FGF12: variants seen among roughly 807,000 people sequenced by gnomAD.
FGF12 encodes fibroblast growth factor 12B.
FGF12 carries 14 observed loss-of-function variants against 23.6 expected under a neutral mutation model. That is an observed-to-expected ratio of 0.59 (90% CI 0.39 to 0.93). The LOEUF (loss-of-function observed/expected upper bound fraction) is 0.93, where lower values mean the gene tolerates loss of function less well. FGF12 is among the 40% of genes least tolerant of loss of function. The pLI, the probability that FGF12 is intolerant of heterozygous loss-of-function variation, is 0.00. For synonymous variants in FGF12, 62 were observed against 77.3 expected, an observed-to-expected ratio of 0.80 and a Z score of 1.04; for missense variants, 175 against 217.8, an observed-to-expected ratio of 0.80 and a Z score of 1.24.
At chr3:192,277,319 A>G (rs1334831162) in intron 4 of FGF12, among the ~76,000 whole-genome samples, 2 of 151,494 alleles carry the variant, frequency 1.3e-5, no homozygotes, top group Admixed American at 6.5e-5. Flanking sequence ...TGGTAAGAGG[A>G]GCCAAATTTG....
At chr3:192,353,763 T>C (rs189360888) in intron 3 of FGF12, among the ~76,000 whole-genome samples, 26 of 152,314 alleles carry the variant, frequency 1.7e-4, no homozygotes, top group African/African-American at 5.8e-4. Flanking sequence ...CCCCTTATGA[T>C]TTTATGTAAG....
chr3:192,383,093 A>C (rs1247468172), intron 2 of FGF12, among the ~76,000 whole-genome samples: 1 of 152,216 alleles, frequency 6.6e-6, no homozygotes, highest in Non-Finnish European at 1.5e-5. Context: ...GGAAGTATGT[A>C]ATCATGGCAC....
At chr3:192,522,731 A>G (rs1724851883) in intron 2 of FGF12, among the ~76,000 whole-genome samples, 1 of 152,242 alleles carries the variant, frequency 6.6e-6, no homozygotes, top group South Asian at 2.1e-4. Context: ...ACATTTTGGT[A>G]TATTCCCACA....
intron 5 of FGF12, among the ~76,000 whole-genome samples, chr3:192,144,425 A>G (rs1462194165): frequency 6.6e-6 from 1 of 152,194 alleles, no homozygotes; most frequent in Non-Finnish European, 1.5e-5. Context: ...ATTTTCATCC[A>G]GAGTCAGAGG....
At chr3:192,437,176 C>T (rs550134074) in intron 2 of FGF12, among the ~76,000 whole-genome samples, 30 of 152,176 alleles carry the variant, frequency 2.0e-4, no homozygotes, top group African/African-American at 6.7e-4. Flanking sequence ...AAATAAAAGG[C>T]TAGCGACTAG....
At chr3:192,287,348 G>A (rs900763853) in intron 4 of FGF12, among the ~76,000 whole-genome samples, 4 of 152,018 alleles carry the variant, frequency 2.6e-5, no homozygotes, top group Admixed American at 6.6e-5. Context: ...GGGAGGAACC[G>A]TGTCTTGTAC....
At chr3:192,704,173 T>G (rs74788835) in intron 2 of FGF12, among the ~76,000 whole-genome samples, 5,592 of 152,306 alleles carry the variant, frequency 0.037, 369 homozygotes, top group African/African-American at 0.13. Flanking sequence ...GAGGAATCAT[T>G]ATCTACAGCA....
At chr3:192,682,413 C>T (rs1241627618) in intron 2 of FGF12, among the ~76,000 whole-genome samples, 2 of 152,162 alleles carry the variant, frequency 1.3e-5, no homozygotes, top group Non-Finnish European at 2.9e-5. Flanking sequence ...TCCAGCTCCA[C>T]CTCTGCTGTT....
chr3:192,696,037 T>C (rs1466299365), intron 2 of FGF12, among the ~76,000 whole-genome samples: 1 of 152,156 alleles, frequency 6.6e-6, no homozygotes, highest in African/African-American at 2.4e-5. Flanking sequence ...AGGCAGCGGT[T>C]GCACTGAGCT....
chr3:192,698,021 C>G (rs1013189093), intron 2 of FGF12, among the ~76,000 whole-genome samples: 1 of 151,952 alleles, frequency 6.6e-6, no homozygotes, highest in Non-Finnish European at 1.5e-5. Context: ...TTGCCAACAT[C>G]TGACATAAAA....
intron 2 of FGF12, among the ~76,000 whole-genome samples, chr3:192,371,407 T>C (rs973240302): frequency 1.2e-4 from 19 of 152,348 alleles, no homozygotes; most frequent in Admixed American, 1.1e-3. Flanking sequence ...CAGAAAGCCA[T>C]TTCATTTCTT....
At chr3:192,184,667 T>G (rs543145436) in intron 4 of FGF12, among the ~76,000 whole-genome samples, 2 of 152,328 alleles carry the variant, frequency 1.3e-5, no homozygotes, top group South Asian at 4.1e-4. Context: ...TTGAGTTCAT[T>G]TGTGATTCAG....
At chr3:192,509,992 T>A (rs751911782) in intron 2 of FGF12, among the ~76,000 whole-genome samples, 1 of 152,206 alleles carries the variant, frequency 6.6e-6, no homozygotes, top group East Asian at 1.9e-4. Flanking sequence ...TTATTTGCAT[T>A]AAATGTCTAT....
chr3:192,530,026 T>C (rs1315232576), intron 2 of FGF12, among the ~76,000 whole-genome samples: 1 of 152,168 alleles, frequency 6.6e-6, no homozygotes, highest in East Asian at 1.9e-4. Flanking sequence ...TTGTCAAGCA[T>C]GGTCATCCTA....
intron 4 of FGF12, among the ~76,000 whole-genome samples, chr3:192,185,611 C>T (rs2108639737): frequency 6.6e-6 from 1 of 151,910 alleles, no homozygotes; most frequent in East Asian, 1.9e-4. Context: ...CCTGTAATGC[C>T]AGTACTGTGG....
chr3:192,446,720 T>G (rs963793083), intron 2 of FGF12, among the ~76,000 whole-genome samples: 1 of 152,140 alleles, frequency 6.6e-6, no homozygotes, highest in Non-Finnish European at 1.5e-5. Context: ...CCTTGAATAA[T>G]ATTTTCCTCC....
chr3:192,339,519 G>A (rs534811686), intron 3 of FGF12, among the ~76,000 whole-genome samples: 1 of 152,052 alleles, frequency 6.6e-6, no homozygotes, highest in South Asian at 2.1e-4. Flanking sequence ...TGCTGTAACC[G>A]GCTTCACAGA....
chr3:192,587,735 C>T (rs914788720), intron 2 of FGF12, among the ~76,000 whole-genome samples: 2 of 151,628 alleles, frequency 1.3e-5, no homozygotes, highest in Admixed American at 1.3e-4. Flanking sequence ...GCAGGAGAAT[C>T]GCTTGAGTTC....
intron 4 of FGF12, among the ~76,000 whole-genome samples, chr3:192,176,712 C>T (rs1715881423): frequency 6.6e-6 from 1 of 152,106 alleles, no homozygotes; most frequent in Non-Finnish European, 1.5e-5. Context: ...AATCTTTGTC[C>T]TTCTTTCAAT....
Sources: gnomAD v4.1 joint callset for allele counts (sites outside exome capture counted in the v4.1 genomes callset) on GRCh38, gnomAD v4.1.1 for gene constraint, MANE v1.5 for transcripts, NCBI Gene and HGNC (gene_info 2026-07-23, HGNC 2026-07-21) for gene names.